PRIM2: variants seen among roughly 807,000 people sequenced by gnomAD.
PRIM2 encodes DNA primase large subunit.
In PRIM2, 39 loss-of-function variants were observed where a neutral mutation model predicts 67.3. The ratio of observed to expected loss-of-function variants is 0.58; its 90% CI spans 0.45 to 0.76. PRIM2 has a LOEUF of 0.76. Among genes scored for constraint, PRIM2 ranks in the 30% least tolerant of loss-of-function variants. The pLI, the probability that PRIM2 is intolerant of heterozygous loss-of-function variation, is 0.00. For synonymous variants in PRIM2, 143 were observed against 198.7 expected (o/e 0.72, Z 2.36); for missense variants, 398 against 598.7 (o/e 0.66, Z 3.50).
chr6:57,601,892 C>A (rs1776474013), intron 11 of PRIM2, among the ~76,000 whole-genome samples: 1 of 152,062 alleles, frequency 6.6e-6, no homozygotes, highest in Admixed American at 6.6e-5. Context: ...AGACTGCACA[C>A]TTTTGGACTG....
chr6:57,438,858 C>T (rs1362896568), intron 7 of PRIM2, among the ~76,000 whole-genome samples: 6 of 149,880 alleles, frequency 4.0e-5, no homozygotes, highest in East Asian at 2.0e-4. Flanking sequence ...CTGCAACCTC[C>T]GCCTCTGGGG....
chr6:57,298,397 G>T, the PRIM2 span, among the ~76,000 whole-genome samples: 3 of 152,112 alleles, frequency 2.0e-5, no homozygotes, highest in Admixed American at 1.3e-4. Context: ...ATAAACTTTA[G>T]AAATTAGTTT....
intron 7 of PRIM2, among the ~76,000 whole-genome samples, chr6:57,429,959 C>T (rs10949055): frequency 6.6e-6 from 1 of 152,298 alleles, no homozygotes; most frequent in Admixed American, 6.5e-5. Context: ...TATTTTCCAA[C>T]CCCTATATTC....
chr6:57,372,719 G>C (rs1769605886), intron 5 of PRIM2, among the ~76,000 whole-genome samples: 1 of 152,124 alleles, frequency 6.6e-6, no homozygotes, highest in African/African-American at 2.4e-5. Context: ...GTTTTCTGTT[G>C]CTGTGTTAGT....
intron 5 of PRIM2, among the ~76,000 whole-genome samples, chr6:57,348,596 A>G (rs932817035): frequency 1.3e-5 from 2 of 152,070 alleles, no homozygotes; most frequent in African/African-American, 2.4e-5. Context: ...CCTGCTGGAT[A>G]TTTTGGCCAT....
At chr6:57,619,247 G>A (rs1200595808) in intron 12 of PRIM2, among the ~76,000 whole-genome samples, 2 of 152,150 alleles carry the variant, frequency 1.3e-5, no homozygotes, top group African/African-American at 4.8e-5. Flanking sequence ...GGAACACCCT[G>A]TGCACTAGAA....
chr6:57,526,008 G>A (rs1243760767), intron 8 of PRIM2, among the ~76,000 whole-genome samples: 1 of 152,172 alleles, frequency 6.6e-6, no homozygotes, highest in East Asian at 1.9e-4. Flanking sequence ...CAACTGGGAT[G>A]TGGAAAAAAA....
intron 5 of PRIM2, among the ~76,000 whole-genome samples, chr6:57,358,226 T>C (rs1769094989): frequency 6.6e-6 from 1 of 152,238 alleles, no homozygotes; most frequent in Non-Finnish European, 1.5e-5. Context: ...AGTGTGCAGT[T>C]AGCAAACTGG....
the PRIM2 span, among the ~76,000 whole-genome samples, chr6:57,240,257 C>T: frequency 9.2e-5 from 14 of 152,126 alleles, no homozygotes; most frequent in South Asian, 1.0e-3. Flanking sequence ...ATGCGCCAAC[C>T]GCGCCCAGCT....
At chr6:57,441,058 A>G (rs936426336) in intron 7 of PRIM2, among the ~76,000 whole-genome samples, 5 of 152,196 alleles carry the variant, frequency 3.3e-5, no homozygotes, top group Admixed American at 1.3e-4. Context: ...CTGAAGTCAA[A>G]TGCATTGTTT....
At chr6:57,639,139 G>T (rs1353319271) in intron 13 of PRIM2, among the ~76,000 whole-genome samples, 1 of 152,196 alleles carries the variant, frequency 6.6e-6, no homozygotes, top group Non-Finnish European at 1.5e-5. Context: ...TGAACAGTCT[G>T]CTCCTGAATG....
chr6:57,383,677 C>G (rs1246173581), intron 7 of PRIM2: 17 of 151,716 alleles, frequency 1.1e-4, no homozygotes, highest in South Asian at 6.2e-4. Flanking sequence ...CTACAGCCAT[C>G]TAGAGATGAG....
the PRIM2 span, among the ~76,000 whole-genome samples, chr6:57,261,508 C>T: frequency 3.3e-5 from 5 of 152,324 alleles, no homozygotes; most frequent in South Asian, 2.1e-4. Flanking sequence ...CTCTGTGATA[C>T]GGAACAGGGT....
At chr6:57,487,814 A>G (rs1773789210) in intron 7 of PRIM2, among the ~76,000 whole-genome samples, 2 of 152,352 alleles carry the variant, frequency 1.3e-5, no homozygotes, top group African/African-American at 4.8e-5. Context: ...AGGTGATAGT[A>G]GTGGTGATGG....
At chr6:57,351,021 G>A (rs1473307378) in intron 5 of PRIM2, among the ~76,000 whole-genome samples, 3 of 150,024 alleles carry the variant, frequency 2.0e-5, no homozygotes, top group African/African-American at 7.4e-5. Flanking sequence ...TGAGGATCAG[G>A]GTGACATGTT....
intron 12 of PRIM2, among the ~76,000 whole-genome samples, chr6:57,608,218 CA>C (rs1453046193): frequency 6.6e-6 from 1 of 152,020 alleles, no homozygotes; most frequent in African/African-American, 2.4e-5. Flanking sequence ...TGAAGTATCA[CA>C]AAAGTCAAGG....
chr6:57,315,557 C>T (rs543643123), upstream of PRIM2, among the ~76,000 whole-genome samples: 7 of 152,232 alleles, frequency 4.6e-5, no homozygotes, highest in South Asian at 1.5e-3. Context: ...TTCTTTGCCT[C>T]TAGTGATAAA....
the PRIM2 span, among the ~76,000 whole-genome samples, chr6:57,299,148 C>A: frequency 6.6e-6 from 1 of 151,628 alleles, no homozygotes; most frequent in Non-Finnish European, 1.5e-5. Flanking sequence ...ATGCACATGC[C>A]CTTTATAAAC....
intron 5 of PRIM2, among the ~76,000 whole-genome samples, chr6:57,336,611 G>C (rs1349805411): frequency 2.6e-5 from 4 of 151,882 alleles, no homozygotes; most frequent in Non-Finnish European, 5.9e-5. Flanking sequence ...GCCAAACTAA[G>C]CTTCATAAGT....
Sources: gnomAD v4.1 joint callset for allele counts (sites outside exome capture counted in the v4.1 genomes callset) on GRCh38, gnomAD v4.1.1 for gene constraint, MANE v1.5 for transcripts, NCBI Gene and HGNC (gene_info 2026-07-23, HGNC 2026-07-21) for gene names.